The following CLVS1 variants were observed in gnomAD, a reference collection of about 807,000 sequenced individuals.
CLVS1 encodes the protein clavesin 1.
CLVS1 carries 10 observed loss-of-function variants against 33.1 expected under a neutral mutation model. That is an observed-to-expected ratio of 0.30 (90% CI 0.19 to 0.51). The LOEUF (loss-of-function observed/expected upper bound fraction) is 0.51, where lower values mean the gene tolerates loss of function less well. Among genes scored for constraint, CLVS1 ranks in the 20% least tolerant of loss-of-function variants. The pLI is 0.97. For missense variants in CLVS1, 343 were observed against 433.4 expected (o/e 0.79, Z 1.85); for synonymous variants, 163 against 166.1 (o/e 0.98, Z 0.14).
At chr8:61,137,115 G>C (rs1367990207) in intron 2 of CLVS1, among the ~76,000 whole-genome samples, 2 of 152,216 alleles carry the variant, frequency 1.3e-5, no homozygotes, top group East Asian at 3.9e-4. Context: ...TGGGCTAAGA[G>C]CTATGCAGCG....
intron 1 of CLVS1, among the ~76,000 whole-genome samples, chr8:61,067,702 C>T (rs1019039314): frequency 6.6e-6 from 1 of 151,976 alleles, no homozygotes; most frequent in Non-Finnish European, 1.5e-5. Context: ...AGACCATATC[C>T]TAAGTGAATT....
chr8:61,171,587 C>G (rs1231162156), intron 2 of CLVS1, among the ~76,000 whole-genome samples: 2 of 152,066 alleles, frequency 1.3e-5, no homozygotes, highest in Non-Finnish European at 2.9e-5. Flanking sequence ...CTGACAGTAG[C>G]AGAGGGCAAT....
At chr8:61,027,945 G>T in the CLVS1 span, among the ~76,000 whole-genome samples, 1 of 152,196 alleles carries the variant, frequency 6.6e-6, no homozygotes, top group African/African-American at 2.4e-5. Context: ...GTGATAAGGT[G>T]CATTAAGCAA....
At chr8:61,445,604 C>T (rs1162961013) in intron 3 of CLVS1, among the ~76,000 whole-genome samples, 1 of 152,080 alleles carries the variant, frequency 6.6e-6, no homozygotes, top group East Asian at 1.9e-4. Flanking sequence ...CCAAATAAAC[C>T]TCCTTTTTTT....
At chr8:61,295,381 C>G (rs536025686) in intron 1 of CLVS1, among the ~76,000 whole-genome samples, 2 of 152,186 alleles carry the variant, frequency 1.3e-5, no homozygotes, top group South Asian at 2.1e-4. Flanking sequence ...AGGAAAATAC[C>G]TAAAGGAAGA....
At chr8:61,434,057 G>A (rs1046809898) in intron 3 of CLVS1, among the ~76,000 whole-genome samples, 1 of 152,168 alleles carries the variant, frequency 6.6e-6, no homozygotes, top group Non-Finnish European at 1.5e-5. Flanking sequence ...CTACTGTGTG[G>A]CTGCAGGACA....
intron 5 of CLVS1, among the ~76,000 whole-genome samples, chr8:61,494,364 C>G (rs1241848295): frequency 6.6e-6 from 1 of 151,880 alleles, no homozygotes; most frequent in Non-Finnish European, 1.5e-5. Flanking sequence ...TAGAATGAAG[C>G]CTTGTTAGAG....
At chr8:61,070,173 A>G (rs1161467103) in intron 1 of CLVS1, among the ~76,000 whole-genome samples, 1 of 152,050 alleles carries the variant, frequency 6.6e-6, no homozygotes, top group African/African-American at 2.4e-5. Context: ...CCCTGTCCTC[A>G]GGGTTCTGCC....
At chr8:61,167,648 T>G (rs1329515291) in intron 2 of CLVS1, among the ~76,000 whole-genome samples, 2 of 152,202 alleles carry the variant, frequency 1.3e-5, no homozygotes, top group Non-Finnish European at 2.9e-5. Context: ...TGAAACTTAC[T>G]GGGCTGCAAT....
At chr8:61,412,939 A>G (rs767324154) in intron 3 of CLVS1, among the ~76,000 whole-genome samples, 10 of 152,168 alleles carry the variant, frequency 6.6e-5, no homozygotes, top group Non-Finnish European at 1.2e-4. Flanking sequence ...TGATTATACT[A>G]GTTTTTCCCC....
At chr8:61,478,112 T>G (rs1818026103) in intron 5 of CLVS1, among the ~76,000 whole-genome samples, 1 of 152,222 alleles carries the variant, frequency 6.6e-6, no homozygotes, top group African/African-American at 2.4e-5. Flanking sequence ...TCAGTTTCCA[T>G]GTAGTTGAGC....
intron 2 of CLVS1, among the ~76,000 whole-genome samples, chr8:61,305,486 G>A (rs1292313553): frequency 1.3e-5 from 2 of 152,108 alleles, no homozygotes; most frequent in Non-Finnish European, 2.9e-5. Flanking sequence ...TTCCATCCAT[G>A]TTGCTGCAAA....
the CLVS1 span, among the ~76,000 whole-genome samples, chr8:61,050,561 C>T: frequency 6.6e-6 from 1 of 152,244 alleles, no homozygotes; most frequent in South Asian, 2.1e-4. Flanking sequence ...CCTCGGCCAC[C>T]AGCAGCCCAG....
chr8:61,251,547 C>G (rs982409074), intron 2 of CLVS1, among the ~76,000 whole-genome samples: 1 of 151,954 alleles, frequency 6.6e-6, no homozygotes, highest in Admixed American at 6.6e-5. Context: ...TGGTCCTGGG[C>G]TTTTTTTGGT....
chr8:61,461,223 C>T (rs1817354620), intron 5 of CLVS1, among the ~76,000 whole-genome samples: 2 of 152,112 alleles, frequency 1.3e-5, no homozygotes, highest in Non-Finnish European at 2.9e-5. Flanking sequence ...TTGTCTTGTC[C>T]CTTCCTAAAA....
intron 1 of CLVS1, among the ~76,000 whole-genome samples, chr8:61,068,223 G>GTATGTGTATATATATATATATA (rs1158998013): frequency 9.3e-4 from 98 of 105,178 alleles, no homozygotes; most frequent in Admixed American, 2.8e-3. Flanking sequence ...ATATATGTAT[G>GTATGTGTATATATATATATATA]TATGTGTATA....
intron 3 of CLVS1, among the ~76,000 whole-genome samples, chr8:61,392,524 C>T (rs747632014): frequency 6.6e-6 from 1 of 152,100 alleles, no homozygotes; most frequent in Non-Finnish European, 1.5e-5. Flanking sequence ...TTGCCAATCA[C>T]CCTACCCTTT....
chr8:60,997,147 T>G, the CLVS1 span, among the ~76,000 whole-genome samples: 2 of 151,990 alleles, frequency 1.3e-5, no homozygotes, highest in Non-Finnish European at 2.9e-5. Flanking sequence ...TTGCTTCAGG[T>G]GGGGGATGTC....
chr8:61,156,495 G>C (rs1022370352), intron 2 of CLVS1, among the ~76,000 whole-genome samples: 8 of 152,072 alleles, frequency 5.3e-5, no homozygotes, highest in African/African-American at 1.9e-4. Context: ...CACAGGAAAA[G>C]TCCGAACTTT....
Sources: gnomAD v4.1 joint callset for allele counts (sites outside exome capture counted in the v4.1 genomes callset) on GRCh38, gnomAD v4.1.1 for gene constraint, MANE v1.5 for transcripts, NCBI Gene and HGNC (gene_info 2026-07-23, HGNC 2026-07-21) for gene names.